The following CGREF1 variants were observed in gnomAD, a reference collection of about 807,000 sequenced individuals.
The protein encoded by CGREF1 is cell growth regulator with EF-hand domain 1.
Under a neutral mutation model 17.4 loss-of-function variants are expected in CGREF1, and 16 were observed. The ratio of observed to expected loss-of-function variants is 0.92; its 90% confidence interval spans 0.62 to 1.40. CGREF1 has a LOEUF of 1.40. Among genes scored for constraint, CGREF1 ranks in the 40% most tolerant of loss-of-function variants. The pLI, the probability that CGREF1 is intolerant of heterozygous loss-of-function variation, is 0.00. For synonymous variants in CGREF1, 142 were observed against 154.6 expected, an observed-to-expected ratio of 0.92 and a Z score of 0.61; for missense variants, 296 against 376.4, an observed-to-expected ratio of 0.79 and a Z score of 1.77.
chr2:27,107,636 TAA>T (rs555266964), intron 1 of CGREF1, among the ~76,000 whole-genome samples: 2 of 138,118 alleles, frequency 1.4e-5, no homozygotes, highest in Non-Finnish European at 1.6e-5. Flanking sequence ...CAGTATGTTT[TAA>T]AAAAAAAAAA....
chr2:27,117,241 A>T (rs1020715122), intron 1 of CGREF1, among the ~76,000 whole-genome samples: 1 of 152,124 alleles, frequency 6.6e-6, no homozygotes, highest in Non-Finnish European at 1.5e-5. Flanking sequence ...CAACTGTGAC[A>T]TTTTAGTGCA....
Position 27,101,092 on chromosome 2 carries a change from T to G in CGREF1, c.*182A>C. Reference sequence around the variant, plus strand: ...GGCCGGGGGGATGAATTCATTCAGTTCTTTATTGGTAATCTGCCCCTTAAC... The same window carrying G: ...GGCCGGGGGGATGAATTCATTCAGTGCTTTATTGGTAATCTGCCCCTTAAC... On this transcript the variant is annotated 3_prime_UTR_variant, in exon 6 of 6. Transcript: ENST00000402394. 1 of 1,365,562 alleles carries G rather than the reference T, an allele frequency of 7.3e-7. No individual in the cohort carries two copies. Among genetic ancestry groups the G allele is most frequent in the Non-Finnish European group, 9.4e-7 (1 of 1,066,186 alleles). The allele number at this position is 1,365,562 out of a possible 1,614,324, so 84.6% of individuals were successfully genotyped here. A position where few individuals can be genotyped will look rare whatever the true frequency, so the allele number is the denominator to read the frequency against.
chr2:27,111,682 G>T (rs1012816530), intron 1 of CGREF1, among the ~76,000 whole-genome samples: 1 of 152,190 alleles, frequency 6.6e-6, no homozygotes, highest in African/African-American at 2.4e-5. Flanking sequence ...GGCCCGGCGA[G>T]AAGTAGAGCA....
chr2:27,109,912 G>C (rs1281484141), intron 1 of CGREF1, among the ~76,000 whole-genome samples: 4 of 70,302 alleles, frequency 5.7e-5, no homozygotes, highest in Admixed American at 1.2e-4. Context: ...AAAAAAAAAA[G>C]CATGTTAAAA....
At chr2:27,118,097 T>A (rs1671654273) in intron 1 of CGREF1, among the ~76,000 whole-genome samples, 1 of 152,102 alleles carries the variant, frequency 6.6e-6, no homozygotes, top group Non-Finnish European at 1.5e-5. Flanking sequence ...AAACTTAGGG[T>A]AGGTGCCTGG....
rs1032426819 is a variant in CGREF1 at position 27,118,835 on chromosome 2, G to A, written c.-12+11C>T. 6.6e-6 allele frequency: 1 copy of A among 152,076 alleles called. No homozygotes were observed. 9.4% of individuals were successfully genotyped at this position (152,076 alleles called of 1,614,324 possible). On this transcript the variant is annotated intron_variant, in intron 1 of 5. Transcript: ENST00000402394. ...CGGGTCTCCGGCCGGCCGGGGCGGG[G>A]TGTCACCCACCTGCTGCGGCGCCGC...
intron 1 of CGREF1, among the ~76,000 whole-genome samples, chr2:27,114,602 C>G (rs927680513): frequency 6.6e-6 from 1 of 152,188 alleles, no homozygotes; most frequent in African/African-American, 2.4e-5. Context: ...GGTTCTGGTT[C>G]TCCCCTTCAC....
chr2:27,110,436 T>C (rs1191336559), intron 1 of CGREF1, among the ~76,000 whole-genome samples: 1 of 150,862 alleles, frequency 6.6e-6, no homozygotes, highest in East Asian at 1.9e-4. Flanking sequence ...AACCCAAAAA[T>C]AACAAAAACA....
intron 1 of CGREF1, among the ~76,000 whole-genome samples, chr2:27,118,154 C>A (rs2148403146): frequency 6.6e-6 from 1 of 152,274 alleles, no homozygotes; most frequent in Admixed American, 6.5e-5. Flanking sequence ...TGGGCTGTGG[C>A]AGGGGCCTTG....
intron 1 of CGREF1, among the ~76,000 whole-genome samples, chr2:27,106,333 A>ATGGGTTC (rs1307892141): frequency 4.6e-5 from 7 of 152,222 alleles, no homozygotes; most frequent in African/African-American, 1.7e-4. Flanking sequence ...GTATCTGCCA[A>ATGGGTTC]ACCAAACCCA....
chr2:27,099,990 A>G, downstream of CGREF1: 1 of 816,326 alleles, frequency 1.2e-6, no homozygotes, highest in Non-Finnish European at 2.0e-6. Context: ...TCAATGTCTG[A>G]ACTGCTCTGG....
At chr2:27,099,371 TG>T (rs1307998365), downstream of CGREF1, 1 of 1,612,156 alleles carries the variant, frequency 6.2e-7, no homozygotes, top group Non-Finnish European at 8.5e-7. Context: ...GGAGGATGGC[TG>T]GGGGGACGGG....
intron 2 of CGREF1, chr2:27,102,938 T>C: frequency 1.4e-5 from 14 of 985,438 alleles, no homozygotes; most frequent in Non-Finnish European, 1.7e-5. Context: ...CACAGACCCC[T>C]CTCCTTCCAT....
intron 1 of CGREF1, among the ~76,000 whole-genome samples, chr2:27,115,078 C>T (rs1321647095): frequency 1.3e-5 from 2 of 152,196 alleles, no homozygotes; most frequent in Non-Finnish European, 2.9e-5. Flanking sequence ...GTTTGTTACA[C>T]TGCCATAGTA....
chr2:27,102,615 G>C, intron 2 of CGREF1, 24 bp from the exon 3 acceptor site: 2 of 1,599,838 alleles, frequency 1.3e-6, no homozygotes, highest in Non-Finnish European at 1.7e-6. Context: ...GGGAGGACCA[G>C]CCTTGCAGAG....
intron 2 of CGREF1, chr2:27,103,075 C>T: frequency 1.0e-6 from 1 of 985,344 alleles, no homozygotes; most frequent in Non-Finnish European, 1.2e-6. Context: ...TCTGTTGGTT[C>T]TGGGGTTTCA....
chr2:27,117,319 G>A (rs1323595973), intron 1 of CGREF1, among the ~76,000 whole-genome samples: 4 of 152,212 alleles, frequency 2.6e-5, no homozygotes, highest in Non-Finnish European at 5.9e-5. Flanking sequence ...AGGTTAGTGC[G>A]ATGTGTTGAC....
chr2:27,115,248 C>A (rs114699086), intron 1 of CGREF1, among the ~76,000 whole-genome samples: 4 of 152,274 alleles, frequency 2.6e-5, no homozygotes, highest in Non-Finnish European at 5.9e-5. Context: ...AAATTATGCA[C>A]CTGGTCCTGA....
chr2:27,100,714 G>A lies in CGREF1; in HGVS notation c.*560C>T, dbSNP rs1472911698. On this transcript the variant is annotated 3_prime_UTR_variant, in exon 6 of 6. Transcript: ENST00000402394. Reference sequence around the variant, plus strand: ...AATTCTGCTTGGCTACAGAATTATTGTGAGGATAAAATCATATATAAAATG... The same window carrying A: ...AATTCTGCTTGGCTACAGAATTATTATGAGGATAAAATCATATATAAAATG... 1 of 1,121,848 alleles carries A rather than the reference G, an allele frequency of 8.9e-7. No homozygotes were observed. The highest frequency in any genetic ancestry group is 1.1e-6 in the Non-Finnish European group (1 of 879,276). The allele number at this position is 1,121,848 out of a possible 1,614,324, so 69.5% of individuals were successfully genotyped here.
Sources: allele counts gnomAD v4.1 joint callset (sites outside exome capture counted in the v4.1 genomes callset), GRCh38; gene constraint gnomAD v4.1.1; transcripts MANE v1.5; gene names NCBI Gene and HGNC (gene_info 2026-07-23, HGNC 2026-07-21).